The following PTPN4 variants were observed in gnomAD, a reference collection of about 807,000 sequenced individuals.
PTPN4 encodes tyrosine-protein phosphatase non-receptor type 4.
In PTPN4, 49 loss-of-function variants were observed where a neutral mutation model predicts 135.5. The ratio of observed to expected loss-of-function variants is 0.36; its 90% CI spans 0.29 to 0.46. PTPN4 has a LOEUF of 0.46. Ranked by LOEUF, PTPN4 falls within the 20% of genes least tolerant of loss-of-function variation. The pLI, the probability that PTPN4 is intolerant of heterozygous loss-of-function variation, is 1.00. For synonymous variants in PTPN4, 333 were observed against 369.9 expected (o/e 0.90, Z 1.14); for missense variants, 860 against 1,101.0 (o/e 0.78, Z 3.10).
chr2:119,794,048 A>G (rs375217636), intron 1 of PTPN4, among the ~76,000 whole-genome samples: 20 of 151,604 alleles, frequency 1.3e-4, no homozygotes, highest in African/African-American at 4.4e-4. Flanking sequence ...GGGTTTTGCC[A>G]TATTGTCCAG....
chr2:119,781,072 A>G (rs1022854682), intron 1 of PTPN4, among the ~76,000 whole-genome samples: 4 of 152,136 alleles, frequency 2.6e-5, no homozygotes, highest in African/African-American at 9.7e-5. Flanking sequence ...AAGTTGTTTC[A>G]TATTTCCTGA....
intron 18 of PTPN4, among the ~76,000 whole-genome samples, chr2:119,947,267 G>T (rs910684703): frequency 6.6e-6 from 1 of 151,978 alleles, no homozygotes; most frequent in African/African-American, 2.4e-5. Flanking sequence ...CTGTCTCTCT[G>T]TTCTAGGAAA....
chr2:119,775,688 G>T (rs115036957), intron 1 of PTPN4, among the ~76,000 whole-genome samples: 2 of 152,172 alleles, frequency 1.3e-5, no homozygotes, highest in African/African-American at 4.8e-5. Flanking sequence ...AGCTGTGAAA[G>T]CCATCAGGCC....
intron 1 of PTPN4, among the ~76,000 whole-genome samples, chr2:119,762,037 T>A (rs1690516784): frequency 6.6e-6 from 1 of 152,176 alleles, no homozygotes; most frequent in Admixed American, 6.5e-5. Context: ...AGTAACATTG[T>A]TACTTTAAAT....
At chr2:119,773,735 CA>C (rs59142325) in intron 1 of PTPN4, among the ~76,000 whole-genome samples, 62,680 of 108,284 alleles carry the variant, frequency 0.58, 13,990 homozygotes, top group Middle Eastern at 0.73. Context: ...GACTCTGTCT[CA>C]AAAAAAAAAA....
At chr2:119,807,545 T>A (rs1200984505) in intron 1 of PTPN4, among the ~76,000 whole-genome samples, 1 of 152,220 alleles carries the variant, frequency 6.6e-6, no homozygotes, top group Non-Finnish European at 1.5e-5. Context: ...AATCTCTGAA[T>A]AGACCAATAA....
At chr2:119,955,944 T>TAATA (rs200278968) in intron 20 of PTPN4, among the ~76,000 whole-genome samples, 2,453 of 148,818 alleles carry the variant, frequency 0.016, 38 homozygotes, top group African/African-American at 0.038. Flanking sequence ...CTCAAAAAAA[T>TAATA]AATAAATAAA....
chr2:119,877,411 A>G (rs1678000329), intron 4 of PTPN4, 46 bp downstream of exon 4: 1 of 1,607,680 alleles, frequency 6.2e-7, no homozygotes, highest in African/African-American at 1.3e-5. Context: ...TACTTTATAA[A>G]GATAAAGGAT....
chr2:119,837,673 G>A (rs1166952108), intron 2 of PTPN4, among the ~76,000 whole-genome samples: 16 of 152,158 alleles, frequency 1.1e-4, no homozygotes, highest in Admixed American at 3.9e-4. Context: ...GCAGCCCTTC[G>A]GGGAACCCAT....
At chr2:119,866,571 G>C (rs1270464080) in intron 3 of PTPN4, among the ~76,000 whole-genome samples, 1 of 152,060 alleles carries the variant, frequency 6.6e-6, no homozygotes, top group East Asian at 1.9e-4. Context: ...AATGCTGCTA[G>C]TCCAAGGAAC....
At chr2:119,974,420 G>A (rs575833246) in intron 26 of PTPN4, among the ~76,000 whole-genome samples, 49 of 152,204 alleles carry the variant, frequency 3.2e-4, no homozygotes, top group Non-Finnish European at 4.9e-4. Context: ...TGTTGGTCAG[G>A]CTGATCTTGA....
chr2:119,943,891 C>T (rs1679097817), intron 15 of PTPN4, among the ~76,000 whole-genome samples: 1 of 151,990 alleles, frequency 6.6e-6, no homozygotes, highest in East Asian at 1.9e-4. Flanking sequence ...TGTGCCCAGC[C>T]CATAAACTGT....
intron 2 of PTPN4, among the ~76,000 whole-genome samples, chr2:119,862,240 A>T (rs1303678748): frequency 1.3e-5 from 2 of 152,150 alleles, no homozygotes; most frequent in African/African-American, 2.4e-5. Flanking sequence ...TTGTTTTCTA[A>T]AAGTGCTGTG....
chr2:119,854,456 A>T (rs191432698), intron 2 of PTPN4, among the ~76,000 whole-genome samples: 54 of 152,276 alleles, frequency 3.5e-4, no homozygotes, highest in Admixed American at 5.9e-4. Flanking sequence ...TTCCCCCCTG[A>T]GGAGATGTCA....
chr2:119,956,825 C>CTT lies in PTPN4; in HGVS notation c.1981-4_1981-3dup, dbSNP rs76723123. 2,588 of 1,500,088 alleles carry CTT rather than the reference C, an allele frequency of 1.7e-3. No individual in the cohort carries two copies. Among genetic ancestry groups the CTT allele is most frequent in the South Asian group, 6.9e-3 (540 of 78,110 alleles). 92.9% of individuals were successfully genotyped at this position (1,500,088 alleles called of 1,614,324 possible). On this transcript the variant is annotated intron_variant, in intron 20 of 26. Transcript: ENST00000263708. ...TTTATGGCTTTTGTTGGAATTGTAC[C>CTT]TTTTTTTTTTTTTTTTAGCAACTGT...
intron 2 of PTPN4, among the ~76,000 whole-genome samples, chr2:119,832,112 T>A (rs1483415130): frequency 6.6e-6 from 1 of 152,200 alleles, no homozygotes; most frequent in Non-Finnish European, 1.5e-5. Flanking sequence ...GACCTTAATA[T>A]CACTTTTGAT....
At chr2:119,766,471 T>C (rs1405814425) in intron 1 of PTPN4, among the ~76,000 whole-genome samples, 340 of 124,062 alleles carry the variant, frequency 2.7e-3, no homozygotes, top group Middle Eastern at 7.8e-3. Flanking sequence ...TGTGTGTGTG[T>C]GTGTGTGTGT....
At chr2:119,770,500 T>G (rs986886817) in intron 1 of PTPN4, among the ~76,000 whole-genome samples, 6 of 152,230 alleles carry the variant, frequency 3.9e-5, no homozygotes, top group Non-Finnish European at 8.8e-5. Flanking sequence ...CTTTTATTTT[T>G]TGTATATTCT....
At chr2:119,863,613 T>C (rs1029060410) in intron 3 of PTPN4, among the ~76,000 whole-genome samples, 49 of 152,286 alleles carry the variant, frequency 3.2e-4, no homozygotes, top group African/African-American at 1.1e-3. Flanking sequence ...ATTCTCTGAA[T>C]GAATAGCTAG....
Sources: allele counts gnomAD v4.1 joint callset (sites outside exome capture counted in the v4.1 genomes callset), GRCh38; gene constraint gnomAD v4.1.1; transcripts MANE v1.5; gene names NCBI Gene and HGNC (gene_info 2026-07-23, HGNC 2026-07-21).